TRIP12: variants seen among roughly 807,000 people sequenced by gnomAD.
TRIP12 encodes the protein E3 ubiquitin-protein ligase TRIP12.
Under a neutral mutation model 244.2 loss-of-function variants are expected in TRIP12, and 25 were observed. That is an observed-to-expected ratio of 0.10 (90% CI 0.07 to 0.14). The LOEUF (loss-of-function observed/expected upper bound fraction) is 0.14. Among genes scored for constraint, TRIP12 ranks in the 10% least tolerant of loss-of-function variants. The probability of loss-of-function intolerance (pLI) is 1.00; values close to 1 mark genes in which losing one functional copy is unlikely to be tolerated. For synonymous variants in TRIP12, 905 were observed against 873.1 expected, an observed-to-expected ratio of 1.04 and a Z score of -0.64; for missense variants, 1,677 against 2,486.4, an observed-to-expected ratio of 0.67 and a Z score of 6.92.
At chr2:229,853,848 G>A (rs2059147875) in intron 4 of TRIP12, among the ~76,000 whole-genome samples, 1 of 152,090 alleles carries the variant, frequency 6.6e-6, no homozygotes, top group Non-Finnish European at 1.5e-5. Flanking sequence ...AATAAGATTA[G>A]TAATAGGGTT....
chr2:229,907,183 G>A (rs1306502498), intron 1 of TRIP12, among the ~76,000 whole-genome samples: 2 of 152,156 alleles, frequency 1.3e-5, no homozygotes, highest in African/African-American at 2.4e-5. Flanking sequence ...CACCATTTAG[G>A]AGAACTATTA....
In TRIP12 at chr2:229,859,027, C is replaced by T. The variant is rs1441532074; in HGVS notation, c.772G>A (p.Val258Ile). Residue 258 changes from valine to isoleucine, a missense_variant, in exon 4 of 42, where the codon GTA becomes ATA. By Grantham distance (29) the Val-to-Ile change is conservative (BLOSUM62 3). Coordinates refer to ENST00000675903, the MANE Select transcript of TRIP12 (RefSeq NM_001348323.3). ...TGTTTCACTCTGGCACCTGGTGGTA[C>T]AGTGGAGGAGGCCGAGGCTACAGCA... ...SSAVASASST[V>I]PPGARVKQGK... The T allele has an allele frequency of 1.2e-6, 2 of 1,614,148 alleles. No homozygotes were observed. The highest frequency in any genetic ancestry group is 1.6e-4 in the Middle Eastern group (1 of 6,062).
At chr2:229,832,036 T>C (rs1395998070) in intron 6 of TRIP12, among the ~76,000 whole-genome samples, 4 of 152,124 alleles carry the variant, frequency 2.6e-5, no homozygotes, top group Non-Finnish European at 5.9e-5. Flanking sequence ...GAATAACATA[T>C]GCGAGTTTAA....
chr2:229,856,121 C>G (rs140799736), intron 4 of TRIP12, among the ~76,000 whole-genome samples: 204 of 151,650 alleles, frequency 1.3e-3, no homozygotes, highest in African/African-American at 4.6e-3. Context: ...ATACCTGGTA[C>G]TTATTTTATG....
intron 4 of TRIP12, among the ~76,000 whole-genome samples, chr2:229,841,456 AG>A (rs774591930): frequency 2.0e-5 from 3 of 152,180 alleles, no homozygotes; most frequent in African/African-American, 7.2e-5. Flanking sequence ...CTGGATAATT[AG>A]GGGGGAGACT....
At position 229,880,030 on chromosome 2, in the gene TRIP12, T is replaced by C; in HGVS notation, c.50A>G (p.Gln17Arg). Reference sequence around the variant, plus strand: ...TGGTTGGGCCCCGGCAGTGTTCCTCTGTGAACGTCGCAGTGACCCCCCTGG... The same window carrying C: ...TGGTTGGGCCCCGGCAGTGTTCCTCCGTGAACGTCGCAGTGACCCCCCTGG... The part of the protein sequence containing the change: ...NNPGGSLRRS[Q>R]RNTAGAQPQD... Residue 17 changes from glutamine (Q) to arginine (R), a missense_variant, in exon 2 of 42, where the codon CAG becomes CGG. Physicochemically the swap from Gln to Arg is conservative, Grantham distance 43. Coordinates refer to ENST00000675903, the MANE Select transcript of TRIP12 (RefSeq NM_001348323.3). The C allele has an allele frequency of 6.2e-7, 1 of 1,614,184 alleles. No homozygotes were observed. Among genetic ancestry groups the C allele is most frequent in the Non-Finnish European group, 8.5e-7 (1 of 1,180,030 alleles).
chr2:229,844,216 A>C (rs1263837259), intron 4 of TRIP12, among the ~76,000 whole-genome samples: 3 of 152,150 alleles, frequency 2.0e-5, no homozygotes, highest in Non-Finnish European at 4.4e-5. Context: ...TTCCTTGTCT[A>C]CTTGAAATTT....
intron 1 of TRIP12, among the ~76,000 whole-genome samples, chr2:229,919,735 T>C (rs531436087): frequency 6.6e-6 from 1 of 152,222 alleles, no homozygotes; most frequent in Non-Finnish European, 1.5e-5. Flanking sequence ...GAAACAATGA[T>C]AATCTTAATT....
Position 229,859,051 on chromosome 2 carries a change from C to G in TRIP12, c.748G>C (p.Ala250Pro). 6.2e-7 allele frequency: 1 copy of G among 1,614,156 alleles called. No homozygotes were observed. Among genetic ancestry groups the G allele is most frequent in the African/African-American group, 1.3e-5 (1 of 75,020 alleles). The change falls in exon 4 of 42, where the codon GCT becomes CCT. Residue 250 changes from alanine to proline, a missense_variant. Ala to Pro is a conservative substitution (Grantham distance 27). Around this residue, in one of 11 missense-constraint regions of TRIP12, gnomAD observed 387 missense variants for 392.6 expected, o/e 0.99. Transcript: ENST00000675903. ...SAASTSSSSS[A>P]VASASSTVPP... ...ACAGTGGAGGAGGCCGAGGCTACAG[C>G]AGAAGACGAGGAGGAAGTAGAGGCA...
intron 2 of TRIP12, among the ~76,000 whole-genome samples, chr2:229,873,802 A>C (rs974875769): frequency 6.6e-6 from 1 of 152,060 alleles, no homozygotes; most frequent in Admixed American, 6.5e-5. Context: ...GTTTTTACTG[A>C]GTAATACATA....
intron 17 of TRIP12, 177 bp from the exon 18 acceptor site, chr2:229,806,060 A>G (rs1282690139): frequency 4.1e-6 from 2 of 492,064 alleles, no homozygotes; most frequent in African/African-American, 3.8e-5. Flanking sequence ...TTCATTCAAC[A>G]AATCATTTTT....
At position 229,792,001 on chromosome 2, in the gene TRIP12, A is replaced by G; in HGVS notation, c.4280T>C (p.Leu1427Ser). The G allele has an allele frequency of 6.2e-7, 1 of 1,614,172 alleles. No homozygotes were observed. The highest frequency in any genetic ancestry group is 1.1e-5 in the South Asian group (1 of 91,084). Reference sequence around the variant, plus strand: ...ATACACAGTCATGTTATACGGCAGCAAATGTTCTCCAATATAAAACTGCAG... The same window carrying G: ...ATACACAGTCATGTTATACGGCAGCGAATGTTCTCCAATATAAAACTGCAG... The part of the protein sequence containing the change: ...HRLQFYIGEH[L>S]LPYNMTVYQA... The change falls in exon 29 of 42, where the codon TTG becomes TCG. Residue 1427 changes from leucine (L) to serine (S), a missense_variant. Leu to Ser is a moderately radical substitution (Grantham distance 145). Coordinates refer to ENST00000675903, the MANE Select transcript of TRIP12 (RefSeq NM_001348323.3).
chr2:229,905,271 T>TC (rs2072398719), intron 1 of TRIP12, among the ~76,000 whole-genome samples: 1 of 136,646 alleles, frequency 7.3e-6, no homozygotes, highest in African/African-American at 2.8e-5. Context: ...CAAAACTCCG[T>TC]CTCAAAAAAA....
chr2:229,811,163 G>A lies in TRIP12; in HGVS notation c.2028C>T (p.Arg676=). 6.2e-7 allele frequency: 1 copy of A among 1,613,908 alleles called. No individual in the cohort carries two copies. The highest frequency in any genetic ancestry group is 8.5e-7 in the Non-Finnish European group (1 of 1,179,964). The change falls in exon 14 of 42, where the codon CGC becomes CGT. Residue 676 remains arginine, a synonymous_variant. Transcript: ENST00000675903. ...CCTCATGCTGGAAGTTGTCCACTAG[G>A]CGTGCAAAACAAAGGCAAGTGCTTT... The part of the protein sequence containing the change: ...SVESTCLCFA[R]LVDNFQHEEN...
chr2:229,903,013 T>TTTC (rs58793718), intron 1 of TRIP12, among the ~76,000 whole-genome samples: 91,004 of 122,838 alleles, frequency 0.74, 30,580 homozygotes, highest in East Asian at 0.81. Flanking sequence ...TCTTTTTCTT[T>TTTC]TTTTCTTTTT....
intron 1 of TRIP12, among the ~76,000 whole-genome samples, chr2:229,914,046 T>C (rs113512414): frequency 0.043 from 6,577 of 151,988 alleles, 478 homozygotes; most frequent in African/African-American, 0.15. Flanking sequence ...GGTGGGTGGA[T>C]TGCCTGAGGT....
intron 13 of TRIP12, among the ~76,000 whole-genome samples, chr2:229,812,415 G>T (rs2047493313): frequency 6.6e-6 from 1 of 152,122 alleles, no homozygotes; most frequent in Admixed American, 6.5e-5. Context: ...CACATAAACA[G>T]ATTTTTAAAA....
chr2:229,808,111 C>T (rs374314258), intron 16 of TRIP12, 141 bp downstream of exon 16: 38 of 708,438 alleles, frequency 5.4e-5, no homozygotes, highest in East Asian at 8.2e-5. Context: ...GGATTACAGG[C>T]GCCCGCCACT....
At chr2:229,904,249 C>T (rs1486594158) in intron 1 of TRIP12, among the ~76,000 whole-genome samples, 2 of 151,760 alleles carry the variant, frequency 1.3e-5, no homozygotes, top group Non-Finnish European at 2.9e-5. Flanking sequence ...GAAACCCTGT[C>T]TCTACTAAAA....
Sources: allele counts gnomAD v4.1 joint callset (sites outside exome capture counted in the v4.1 genomes callset), GRCh38; gene constraint gnomAD v4.1.1; regional missense constraint gnomAD v4.1.1; transcripts MANE v1.5; gene names NCBI Gene and HGNC (gene_info 2026-07-23, HGNC 2026-07-21).